Variants in RAPGEF5 observed in about 807,000 individuals in gnomAD.
The protein encoded by RAPGEF5 is M-Ras-regulated GEF.
RAPGEF5 carries 65 observed loss-of-function variants against 125.2 expected under a neutral mutation model. The observed-to-expected ratio is 0.52, with a 90% CI of 0.43 to 0.64. The LOEUF (loss-of-function observed/expected upper bound fraction) is 0.64, where lower values mean the gene tolerates loss of function less well. RAPGEF5 is among the 30% of genes least tolerant of loss of function. The pLI, the probability that RAPGEF5 is intolerant of heterozygous loss-of-function variation, is 0.00. For synonymous variants in RAPGEF5, 391 were observed against 385.9 expected (o/e 1.01, Z -0.16); for missense variants, 958 against 1,048.1 (o/e 0.91, Z 1.19).
At chr7:22,308,622 A>G (rs578229016) in intron 4 of RAPGEF5, 115 bp from the exon 5 acceptor site, 2 of 808,616 alleles carry the variant, frequency 2.5e-6, no homozygotes, top group East Asian at 5.8e-5. Flanking sequence ...GGTTAAGACT[A>G]TAATTATACA....
intron 7 of RAPGEF5, among the ~76,000 whole-genome samples, chr7:22,258,940 T>C (rs1259334244): frequency 1.3e-5 from 2 of 152,164 alleles, no homozygotes; most frequent in African/African-American, 4.8e-5. Context: ...AAAATCTAGA[T>C]GACCTTAGAT....
At chr7:22,231,962 G>A (rs757991213) in intron 7 of RAPGEF5, among the ~76,000 whole-genome samples, 2 of 152,176 alleles carry the variant, frequency 1.3e-5, no homozygotes, top group Admixed American at 1.3e-4. Flanking sequence ...AGACTTGAGA[G>A]AAACAAGAGC....
chr7:22,299,673 C>T (rs1011034212), intron 5 of RAPGEF5, among the ~76,000 whole-genome samples: 1 of 152,096 alleles, frequency 6.6e-6, no homozygotes, highest in African/African-American at 2.4e-5. Flanking sequence ...AAACAGTCAG[C>T]TAGCAAAAAA....
intron 12 of RAPGEF5, 40 bp downstream of exon 12, chr7:22,167,030 G>C (rs1401739223): frequency 1.3e-6 from 2 of 1,514,726 alleles, no homozygotes; most frequent in African/African-American, 2.7e-5. Context: ...ATCTGTCTGA[G>C]AGGAAGTGGA....
chr7:22,150,349 A>G (rs1783584612), intron 18 of RAPGEF5, 58 bp downstream of exon 18: 3 of 1,540,314 alleles, frequency 1.9e-6, no homozygotes, highest in African/African-American at 2.8e-5. Flanking sequence ...CTCAGATTAC[A>G]GGTATGAGCC....
At chr7:22,135,760 TTAGAAG>T (rs1325419772) in intron 23 of RAPGEF5, among the ~76,000 whole-genome samples, 6 of 152,270 alleles carry the variant, frequency 3.9e-5, no homozygotes, top group Non-Finnish European at 5.9e-5. Context: ...AATACAGGGC[TTAGAAG>T]TAGAGTAAAA....
At chr7:22,333,007 T>C (rs978531901) in intron 1 of RAPGEF5, among the ~76,000 whole-genome samples, 3 of 152,202 alleles carry the variant, frequency 2.0e-5, no homozygotes, top group Non-Finnish European at 2.9e-5. Context: ...TGTAGGTACA[T>C]AGCTGAAATA....
chr7:22,291,477 C>T (rs925224246), intron 5 of RAPGEF5, among the ~76,000 whole-genome samples: 1 of 152,158 alleles, frequency 6.6e-6, no homozygotes, highest in Non-Finnish European at 1.5e-5. Context: ...TGAATCCTGA[C>T]GATGGGGTAT....
intron 11 of RAPGEF5, among the ~76,000 whole-genome samples, chr7:22,182,556 C>T (rs1031668075): frequency 5.3e-5 from 8 of 152,000 alleles, no homozygotes; most frequent in African/African-American, 1.4e-4. Context: ...TCTACTAAAG[C>T]GCAATATTAA....
chr7:22,291,466 T>C (rs945382446), intron 5 of RAPGEF5, among the ~76,000 whole-genome samples: 2 of 152,166 alleles, frequency 1.3e-5, no homozygotes, highest in African/African-American at 2.4e-5. Flanking sequence ...AATGCACCAA[T>C]TGAATCCTGA....
intron 6 of RAPGEF5, among the ~76,000 whole-genome samples, chr7:22,277,520 G>A (rs1437233849): frequency 1.3e-5 from 2 of 152,120 alleles, no homozygotes; most frequent in African/African-American, 2.4e-5. Context: ...ACAAGGCCTC[G>A]TGTAAGGCCC....
intron 7 of RAPGEF5, among the ~76,000 whole-genome samples, chr7:22,256,395 G>C (rs1188985765): frequency 6.6e-6 from 1 of 152,122 alleles, no homozygotes; most frequent in African/African-American, 2.4e-5. Context: ...AACATTGTTA[G>C]AACAGGATTT....
At chr7:22,327,036 A>C (rs966722229) in intron 1 of RAPGEF5, among the ~76,000 whole-genome samples, 4 of 152,232 alleles carry the variant, frequency 2.6e-5, no homozygotes, top group African/African-American at 9.6e-5. Flanking sequence ...AAGCAAATGA[A>C]AAAGGAGCAA....
intron 6 of RAPGEF5, among the ~76,000 whole-genome samples, chr7:22,269,317 T>C (rs1782362811): frequency 6.6e-6 from 1 of 152,140 alleles, no homozygotes; most frequent in Non-Finnish European, 1.5e-5. Flanking sequence ...ACAGTTCTTT[T>C]TTGTTTTTTT....
chr7:22,328,883 A>G (rs1389569956), intron 1 of RAPGEF5, among the ~76,000 whole-genome samples: 1 of 152,224 alleles, frequency 6.6e-6, no homozygotes, highest in Non-Finnish European at 1.5e-5. Flanking sequence ...GGCCAACAAA[A>G]GAGTCACCTG....
chr7:22,277,247 TCA>T (rs1782578154), intron 6 of RAPGEF5, among the ~76,000 whole-genome samples: 2 of 152,224 alleles, frequency 1.3e-5, no homozygotes, highest in Non-Finnish European at 2.9e-5. Context: ...GTCAGAGGTA[TCA>T]ATCAACTTAA....
chr7:22,275,280 TC>T (rs1015313855), intron 6 of RAPGEF5, among the ~76,000 whole-genome samples: 1 of 152,212 alleles, frequency 6.6e-6, no homozygotes, highest in African/African-American at 2.4e-5. Context: ...GCTGGAGGGC[TC>T]CAAAACTAGT....
intron 9 of RAPGEF5, among the ~76,000 whole-genome samples, chr7:22,197,893 T>TGGCG (rs1554327472): frequency 8.6e-6 from 1 of 116,296 alleles, no homozygotes; most frequent in African/African-American, 3.4e-5. Flanking sequence ...TCTTTTTTTT[T>TGGCG]GGGGGGGGGT....
chr7:22,217,066 G>T (rs946148446), intron 9 of RAPGEF5, among the ~76,000 whole-genome samples: 8 of 152,214 alleles, frequency 5.3e-5, no homozygotes, highest in African/African-American at 1.9e-4. Context: ...TCTAGAACTG[G>T]AAAGTAATGA....
Sources: allele counts gnomAD v4.1 joint callset (sites outside exome capture counted in the v4.1 genomes callset), GRCh38; gene constraint gnomAD v4.1.1; transcripts MANE v1.5; gene names NCBI Gene and HGNC (gene_info 2026-07-23, HGNC 2026-07-21).